Variants in FAM222A observed in about 807,000 individuals in gnomAD.
FAM222A encodes the protein family with sequence similarity 222 member A.
Under a neutral mutation model 25.8 loss-of-function variants are expected in FAM222A, and 7 were observed. The observed-to-expected ratio is 0.27, with a 90% CI of 0.15 to 0.51. The LOEUF (loss-of-function observed/expected upper bound fraction) is 0.51. Ranked by LOEUF, FAM222A falls within the 20% of genes least tolerant of loss-of-function variation. The pLI, the probability that FAM222A is intolerant of heterozygous loss-of-function variation, is 0.97. For synonymous variants in FAM222A, 294 were observed against 298.8 expected, an observed-to-expected ratio of 0.98 and a Z score of 0.17; for missense variants, 573 against 640.5, an observed-to-expected ratio of 0.89 and a Z score of 1.14.
chr12:109,737,813 AGCC>A (rs747055611), intron 1 of FAM222A, among the ~76,000 whole-genome samples: 5 of 152,174 alleles, frequency 3.3e-5, no homozygotes, highest in Non-Finnish European at 7.3e-5. Context: ...AGATCTGCCT[AGCC>A]GCAGCTCAAA....
At chr12:109,758,661 C>T (rs986499588) in intron 2 of FAM222A, among the ~76,000 whole-genome samples, 11 of 152,272 alleles carry the variant, frequency 7.2e-5, no homozygotes, top group Admixed American at 2.0e-4. Context: ...CACTCCTGGG[C>T]GACCTCATTA....
intron 1 of FAM222A, among the ~76,000 whole-genome samples, chr12:109,732,545 A>C (rs1453435302): frequency 6.6e-6 from 1 of 152,164 alleles, no homozygotes; most frequent in Non-Finnish European, 1.5e-5. Flanking sequence ...TCCACATCAG[A>C]TCATTTGTAA....
chr12:109,751,216 A>AT (rs141182345), intron 2 of FAM222A, among the ~76,000 whole-genome samples: 9,954 of 148,318 alleles, frequency 0.067, 753 homozygotes, highest in African/African-American at 0.18. Flanking sequence ...GGACAGTATG[A>AT]TTTTTTTTTC....
At chr12:109,764,134 G>A (rs1245724288) in intron 2 of FAM222A, among the ~76,000 whole-genome samples, 1 of 148,510 alleles carries the variant, frequency 6.7e-6, no homozygotes, top group Non-Finnish European at 1.5e-5. Flanking sequence ...GGAGACTGAG[G>A]CAGGAGGATC....
chr12:109,732,307 A>G (rs2136326328), intron 1 of FAM222A, among the ~76,000 whole-genome samples: 1 of 152,342 alleles, frequency 6.6e-6, no homozygotes, highest in East Asian at 1.9e-4. Flanking sequence ...AGAAAATAAA[A>G]TTCAGCTGAC....
At chr12:109,754,625 C>T (rs1444747581) in intron 2 of FAM222A, among the ~76,000 whole-genome samples, 2 of 151,912 alleles carry the variant, frequency 1.3e-5, no homozygotes, top group African/African-American at 4.8e-5. Flanking sequence ...ACAAAAGCAG[C>T]CAGCAGGCCA....
Position 109,725,877 on chromosome 12 carries a change from G to T in FAM222A, c.-47+10980G>T, listed in dbSNP as rs544724482. Among the ~76,000 whole-genome samples the T allele has an allele frequency of 2.0e-5, 3 of 151,990 alleles. No homozygotes were observed. The East Asian group carries it at 5.8e-4, about 30-fold the overall frequency. On this transcript the variant is annotated intron_variant, in intron 1 of 2. Coordinates refer to ENST00000538780, the MANE Select transcript of FAM222A (RefSeq NM_032829.3). ...TCATACAATTGCTATAAACATAAAA[G>T]GGAAACTCCACAGTGTTCCCGGGCG...
chr12:109,745,694 C>T (rs1318013393), intron 2 of FAM222A, among the ~76,000 whole-genome samples: 1 of 152,154 alleles, frequency 6.6e-6, no homozygotes, highest in Non-Finnish European at 1.5e-5. Flanking sequence ...TTTAGGGATA[C>T]AAGGTCTAGC....
In FAM222A at chr12:109,769,423, G is replaced by T; in HGVS notation, c.*135G>T. Reference sequence around the variant, plus strand: ...TGATGCCCACAGGGGAGCCAGGCTGGCTGCCGCCTCGCTGTGGCCGGATGG... The same window carrying T: ...TGATGCCCACAGGGGAGCCAGGCTGTCTGCCGCCTCGCTGTGGCCGGATGG... On this transcript the variant is annotated 3_prime_UTR_variant, in exon 3 of 3. Coordinates refer to ENST00000538780, the MANE Select transcript of FAM222A (RefSeq NM_032829.3). 1 of 1,150,420 alleles carries T rather than the reference G, an allele frequency of 8.7e-7. No homozygotes were observed. The allele number at this position is 1,150,420 out of a possible 1,614,324, so 71.3% of individuals were successfully genotyped here. A position where few individuals can be genotyped will look rare whatever the true frequency, so the allele number is the denominator to read the frequency against.
At chr12:109,760,338 C>G (rs1023442594) in intron 2 of FAM222A, among the ~76,000 whole-genome samples, 7 of 152,150 alleles carry the variant, frequency 4.6e-5, no homozygotes, top group Admixed American at 2.0e-4. Context: ...CCTAAAGGAC[C>G]AGTGAGGCTC....
chr12:109,759,802 T>G (rs1718511329), intron 2 of FAM222A, among the ~76,000 whole-genome samples: 1 of 152,326 alleles, frequency 6.6e-6, no homozygotes, highest in African/African-American at 2.4e-5. Context: ...CGGGATTCTT[T>G]GGCCTTGGAG....
Position 109,768,148 on chromosome 12 carries a change from G to C in FAM222A, c.219G>C (p.Lys73Asn), listed in dbSNP as rs1387910970. The C allele has an allele frequency of 6.2e-7, 1 of 1,613,966 alleles. No homozygotes were observed. The highest frequency in any genetic ancestry group is 2.2e-5 in the East Asian group (1 of 44,886). The change falls in exon 3 of 3, where the codon AAG (lysine) becomes AAC (asparagine). Residue 73 changes from lysine to asparagine, a missense_variant. By Grantham distance (94) the Lys-to-Asn change is moderately conservative. Around this residue, in one of 3 missense-constraint regions of FAM222A, gnomAD observed 112 missense variants for 154.6 expected, o/e 0.72. Transcript: ENST00000538780. The part of the protein sequence containing the change: ...FPTNIRVPQH[K>N]HLSRTVNGYD... ...CCAACATCCGTGTGCCCCAGCACAA[G>C]CACCTCAGCCGCACAGTCAATGGCT... is the stretch of plus-strand genomic sequence containing the variant.
intron 1 of FAM222A, among the ~76,000 whole-genome samples, chr12:109,736,694 C>T (rs1888095529): frequency 6.6e-6 from 1 of 152,226 alleles, no homozygotes; most frequent in African/African-American, 2.4e-5. Context: ...GGTGTTTAAT[C>T]TGTCATGCCG....
Position 109,768,329 on chromosome 12 carries a change from A to G in FAM222A, c.400A>G (p.Thr134Ala), listed in dbSNP as rs533079318. 11 of 1,600,980 alleles carry G rather than the reference A, an allele frequency of 6.9e-6. No homozygotes were observed. The highest frequency in any genetic ancestry group is 1.7e-4 in the Middle Eastern group (1 of 6,060). Residue 134 changes from threonine to alanine, a missense_variant, in exon 3 of 3, where the codon ACC (threonine) becomes GCC (alanine). Around this residue, in one of 3 missense-constraint regions of FAM222A, gnomAD observed 412 missense variants for 407.0 expected, o/e 1.01. Coordinates refer to ENST00000538780, the MANE Select transcript of FAM222A (RefSeq NM_032829.3). ...GCTCAAGAGCGCCGAGGGCAAGCGG[A>G]CCAAGCTGTCACCGGCCGCCGTGCA... ...SVLKSAEGKR[T>A]KLSPAAVQVG...
intron 1 of FAM222A, among the ~76,000 whole-genome samples, chr12:109,740,590 T>C (rs1888212852): frequency 6.6e-6 from 1 of 152,174 alleles, no homozygotes; most frequent in East Asian, 1.9e-4. Context: ...ATGAGTGTTT[T>C]AGGCACATGC....
Position 109,768,863 on chromosome 12 carries a change from T to C in FAM222A, c.934T>C (p.Ser312Pro). 1 of 1,583,178 alleles carries C rather than the reference T, an allele frequency of 6.3e-7. No individual in the cohort carries two copies. ...AYSGSTVASKSPEACGGRAYE... is the reference protein window; with the variant it reads ...AYSGSTVASKPPEACGGRAYE... ...CAGTGGGAGCACGGTGGCCAGCAAG[T>C]CCCCTGAGGCTTGCGGGGGCCGGGC... The change falls in exon 3 of 3, where the codon TCC (serine) becomes CCC (proline). Residue 312 changes from serine (S) to proline (P), a missense_variant. Ser to Pro is a moderately conservative substitution (Grantham distance 74, BLOSUM62 -1). Transcript: ENST00000538780.
Position 109,768,646 on chromosome 12 carries a change from C to T in FAM222A, c.717C>T (p.Phe239=), listed in dbSNP as rs375860480. The part of the protein sequence containing the change: ...SPAKHGPVPS[F]PSMAYSAAAG... ...CCAAGCACGGCCCAGTGCCCAGCTT[C>T]CCCAGCATGGCCTACTCGGCTGCAG... The change falls in exon 3 of 3, where the codon TTC becomes TTT. Residue 239 remains phenylalanine (F), a synonymous_variant. Coordinates refer to ENST00000538780, the MANE Select transcript of FAM222A (RefSeq NM_032829.3). 3.4e-5 allele frequency: 54 copies of T among 1,600,938 alleles called. No homozygotes were observed. Among genetic ancestry groups the T allele is most frequent in the Middle Eastern group, 3.3e-4 (2 of 6,072 alleles).
intron 2 of FAM222A, among the ~76,000 whole-genome samples, chr12:109,750,619 A>G (rs1314283814): frequency 6.6e-6 from 1 of 152,130 alleles, no homozygotes; most frequent in Non-Finnish European, 1.5e-5. Flanking sequence ...TTTCTTTAAT[A>G]ACAATAGTGC....
At chr12:109,762,562 A>G (rs1888930311) in intron 2 of FAM222A, among the ~76,000 whole-genome samples, 1 of 151,992 alleles carries the variant, frequency 6.6e-6, no homozygotes, top group African/African-American at 2.4e-5. Flanking sequence ...TGGCTCACCC[A>G]CTTCCTTCAT....
Sources: gnomAD v4.1 joint callset for allele counts (sites outside exome capture counted in the v4.1 genomes callset) on GRCh38, gnomAD v4.1.1 for gene constraint, gnomAD v4.1.1 regional missense constraint, MANE v1.5 for transcripts, NCBI Gene and HGNC (gene_info 2026-07-23, HGNC 2026-07-21) for gene names.